The following KIR3DL2 variants were observed in gnomAD, a reference collection of about 807,000 sequenced individuals.
KIR3DL2 encodes killer cell immunoglobulin-like receptor 3DL2.
In KIR3DL2, 42 loss-of-function variants were observed where a neutral mutation model predicts 41.6. The ratio of observed to expected loss-of-function variants is 1.01; its 90% CI spans 0.79 to 1.31. KIR3DL2 has a LOEUF of 1.31. KIR3DL2 is among the 50% of genes most tolerant of loss of function. The probability of loss-of-function intolerance (pLI) is 0.00; values close to 1 mark genes in which losing one functional copy is unlikely to be tolerated. For synonymous variants in KIR3DL2, 230 were observed against 221.3 expected, an observed-to-expected ratio of 1.04 and a Z score of -0.35; for missense variants, 728 against 576.8, an observed-to-expected ratio of 1.26 and a Z score of -2.68.
At chr19:54,855,496 T>G (rs1601759857) in intron 4 of KIR3DL2, 123 bp from the exon 5 acceptor site, 2 of 1,389,438 alleles carry the variant, frequency 1.4e-6, no homozygotes, top group South Asian at 1.4e-5. Context: ...AGAGTTGGGG[T>G]GGAGGGTGAG....
At chr19:54,860,741 A>G (rs1388167929) in intron 6 of KIR3DL2, among the ~76,000 whole-genome samples, 23 of 147,446 alleles carry the variant, frequency 1.6e-4, no homozygotes, top group South Asian at 2.2e-4. Flanking sequence ...GTTCTCACTA[A>G]TCAGATATTT....
At chr19:54,859,347 A>G (rs1242168185) in intron 6 of KIR3DL2, among the ~76,000 whole-genome samples, 14 of 152,018 alleles carry the variant, frequency 9.2e-5, no homozygotes, top group African/African-American at 3.4e-4. Context: ...GACCTCCTAC[A>G]AGCTAGAAGA....
At chr19:54,859,409 C>T (rs1410970781) in intron 6 of KIR3DL2, among the ~76,000 whole-genome samples, 17 of 152,190 alleles carry the variant, frequency 1.1e-4, no homozygotes, top group Admixed American at 8.5e-4. Flanking sequence ...TTTTTTCTGC[C>T]TGCATTCCTA....
rs759090014 is a variant in KIR3DL2, at chr19:54,854,024, C to A, written c.633C>A (p.Asp211Glu). The A allele has an allele frequency of 1.9e-6, 3 of 1,612,932 alleles. No individual in the cohort carries two copies. The highest frequency in any genetic ancestry group is 2.5e-6 in the Non-Finnish European group (3 of 1,179,554). ...CCTATCAGTTGTCAGCTCCCAGTGA[C>A]CCCCTGGACATCGTGATCACAGGTG... ...HSPYQLSAPS[D>E]PLDIVITGLY... The change falls in exon 4 of 9, where the codon GAC (aspartate) becomes GAA (glutamate). Residue 211 changes from aspartate (D) to glutamate (E), a missense_variant. Transcript: ENST00000326321.
intron 3 of KIR3DL2, 112 bp downstream of exon 3, chr19:54,852,394 C>G (rs1419028520): frequency 1.4e-6 from 2 of 1,429,110 alleles, no homozygotes; most frequent in Non-Finnish European, 1.9e-6. Context: ...TATTTGGGGT[C>G]AAGGGAGATT....
At chr19:54,864,779 T>G (rs7507739) in intron 6 of KIR3DL2, among the ~76,000 whole-genome samples, 59,409 of 150,774 alleles carry the variant, frequency 0.39, 11,781 homozygotes, top group South Asian at 0.44. Flanking sequence ...GGGTTTTCTA[T>G]ATATACAATC....
chr19:54,853,307 T>C (rs2064447411), intron 3 of KIR3DL2, among the ~76,000 whole-genome samples: 1 of 151,434 alleles, frequency 6.6e-6, no homozygotes, highest in Non-Finnish European at 1.5e-5. Flanking sequence ...CAGGAGAGGC[T>C]CCCAATCCCC....
chr19:54,852,763 G>A (rs1198074735), intron 3 of KIR3DL2, among the ~76,000 whole-genome samples: 2 of 150,170 alleles, frequency 1.3e-5, no homozygotes, highest in Admixed American at 6.6e-5. Context: ...GAACTGATTT[G>A]CTGAGTCTCC....
intron 6 of KIR3DL2, among the ~76,000 whole-genome samples, chr19:54,859,450 G>GAGGGA (rs199624001): frequency 0.041 from 6,307 of 152,182 alleles, 169 homozygotes; most frequent in Middle Eastern, 0.092. Flanking sequence ...GGGCTTGAGA[G>GAGGGA]AGGGAAGGGA....
intron 2 of KIR3DL2, among the ~76,000 whole-genome samples, chr19:54,851,744 T>A (rs1316577477): frequency 2.6e-5 from 4 of 151,786 alleles, no homozygotes; most frequent in African/African-American, 9.7e-5. Context: ...GTCTACTTTG[T>A]GTTGTTTTAT....
At chr19:54,854,675 C>A (rs1394033857) in intron 4 of KIR3DL2, among the ~76,000 whole-genome samples, 1 of 151,660 alleles carries the variant, frequency 6.6e-6, no homozygotes, top group Admixed American at 6.6e-5. Flanking sequence ...AAATCAGGGA[C>A]TTCAAAAAGC....
chr19:54,851,822 C>T (rs1241693922), intron 2 of KIR3DL2, among the ~76,000 whole-genome samples, 176 bp from the exon 3 acceptor site: 15 of 151,990 alleles, frequency 9.9e-5, no homozygotes, highest in Non-Finnish European at 2.2e-4. Context: ...AAGTTCTCAG[C>T]TGACACTTGT....
At position 54,851,974 on chromosome 19, in the gene KIR3DL2, A is replaced by C. The variant is rs1601724442; in HGVS notation, c.71-24A>C. 3.1e-6 allele frequency: 5 copies of C among 1,605,012 alleles called. No homozygotes were observed. In the East Asian group the frequency reaches 1.1e-4, roughly 36 times the overall value. On this transcript the variant is annotated intron_variant, in intron 2 of 8. Coordinates refer to ENST00000326321, the MANE Select transcript of KIR3DL2 (RefSeq NM_006737.4). Reference sequence around the variant, plus strand: ...GGGTGGCTCCACATCCTCCTCTCTAAGGCAGTGCCTCCTTCTCCCCCAGGT... The same window carrying C: ...GGGTGGCTCCACATCCTCCTCTCTACGGCAGTGCCTCCTTCTCCCCCAGGT...
rs561673813 is a variant in KIR3DL2 at position 54,867,057 on chromosome 19, G to T, written c.*326G>T. 2.6e-6 allele frequency: 1 copy of T among 387,306 alleles called. No homozygotes were observed. 24.0% of individuals were successfully genotyped at this position (387,306 alleles called of 1,614,324 possible). A position where few individuals can be genotyped will look rare whatever the true frequency, so the allele number is the denominator to read the frequency against. On this transcript the variant is annotated 3_prime_UTR_variant, in exon 9 of 9. Transcript: ENST00000326321. Reference sequence around the variant, plus strand: ...CATACAAGAGGCTCCCTCTTAACACGGCACTTACACACTTGCTGTTCCACC... The same window carrying T: ...CATACAAGAGGCTCCCTCTTAACACTGCACTTACACACTTGCTGTTCCACC...
Position 54,850,511 on chromosome 19 carries a change from T to C in KIR3DL2, c.34+2T>C. The C allele has an allele frequency of 6.2e-7, 1 of 1,609,344 alleles. No homozygotes were observed. On this transcript the variant is annotated splice_donor_variant, in intron 1 of 8. Transcript: ENST00000326321. LOFTEE classifies it high-confidence loss of function. ...CGGTCGTCAGCATGGCGTGCGTTGG[T>C]GAGTCCTGGAAGGGAATAGAGGGAG...
chr19:54,865,950 G>A, intron 7 of KIR3DL2, 41 bp downstream of exon 7: 1 of 1,563,686 alleles, frequency 6.4e-7, no homozygotes, highest in African/African-American at 1.4e-5. Flanking sequence ...TCAGGGCCAT[G>A]TGGGGAAGCA....
rs1278707234 is a variant in KIR3DL2 at position 54,855,538 on chromosome 19, G to C, written c.656-81G>C. On this transcript the variant is annotated intron_variant, in intron 4 of 8. Transcript: ENST00000326321. Reference sequence around the variant, plus strand: ...AGAGAGCATTAGGTCATAGAGCAGGGGAGTGAGTTCTCAGCTCAGGTATGA... The same window carrying C: ...AGAGAGCATTAGGTCATAGAGCAGGCGAGTGAGTTCTCAGCTCAGGTATGA... 2.5e-5 allele frequency: 39 copies of C among 1,547,064 alleles called. 2 individuals are homozygous for C. In the African/African-American group the frequency reaches 5.0e-4, roughly 20 times the overall value.
intron 3 of KIR3DL2, among the ~76,000 whole-genome samples, chr19:54,853,378 A>G (rs1324469674): frequency 6.6e-6 from 1 of 151,714 alleles, no homozygotes; most frequent in African/African-American, 2.4e-5. Flanking sequence ...TACCTCTGCC[A>G]GAGACTCCAA....
At chr19:54,859,178 G>A (rs2145664811) in intron 6 of KIR3DL2, 49 bp downstream of exon 6, 1 of 1,539,060 alleles carries the variant, frequency 6.5e-7, no homozygotes, top group Non-Finnish European at 9.0e-7. Context: ...CTGGGGAGGT[G>A]GAAGCCTTGG....
Sources: gnomAD v4.1 joint callset for allele counts (sites outside exome capture counted in the v4.1 genomes callset) on GRCh38, gnomAD v4.1.1 for gene constraint, MANE v1.5 for transcripts, NCBI Gene and HGNC (gene_info 2026-07-23, HGNC 2026-07-21) for gene names.